Variants in CCDC85C observed in about 807,000 individuals in gnomAD.
CCDC85C encodes the protein coiled-coil domain-containing protein 85C.
CCDC85C carries 18 observed loss-of-function variants against 38.3 expected under a neutral mutation model. That is an observed-to-expected ratio of 0.47 (90% CI 0.33 to 0.70). The LOEUF is 0.70. Among genes scored for constraint, CCDC85C ranks in the 30% least tolerant of loss-of-function variants. The pLI is 0.03. For missense variants in CCDC85C, 566 were observed against 621.2 expected (o/e 0.91, Z 0.94); for synonymous variants, 264 against 293.8 (o/e 0.90, Z 1.04).
In CCDC85C at chr14:99,599,684, G is replaced by A. The variant is rs2055179266; in HGVS notation, c.793+3483C>T. ...GCAGGAGGACTGCTTGAACCCAGGT[G>A]TTCGAGACCAGCCTGGGCAACATAG... On this transcript the variant is annotated intron_variant, in intron 1 of 5. Transcript: ENST00000380243. Among the ~76,000 whole-genome samples the A allele has an allele frequency of 2.0e-5, 3 of 152,104 alleles. 1 individual carries two copies. Among genetic ancestry groups the A allele is most frequent in the Non-Finnish European group, 4.4e-5 (3 of 68,010 alleles).
Position 99,503,988 on chromosome 14 carries a change from A to G in CCDC85C, c.*11258T>C, listed in dbSNP as rs978910805. The G allele has an allele frequency of 3.3e-5, 12 of 363,814 alleles. No homozygotes were observed. Among genetic ancestry groups the G allele is most frequent in the Middle Eastern group, 8.2e-4 (1 of 1,224 alleles). 22.5% of individuals were successfully genotyped at this position (363,814 alleles called of 1,614,324 possible). On this transcript the variant is annotated 3_prime_UTR_variant, in exon 6 of 6. Transcript: ENST00000380243. ...CAGCAGCAGGAGTCCTCTCCCAAGC[A>G]CCAAGCCACAGCAGATGCGGGGGGG...
chr14:99,532,006 G>C (rs1179474197), intron 2 of CCDC85C, among the ~76,000 whole-genome samples: 1 of 152,184 alleles, frequency 6.6e-6, no homozygotes, highest in Admixed American at 6.5e-5. Context: ...GTGGAGACTG[G>C]ACAGGGATCA....
intron 1 of CCDC85C, among the ~76,000 whole-genome samples, chr14:99,600,955 G>A (rs929755094): frequency 2.0e-5 from 3 of 152,190 alleles, no homozygotes; most frequent in African/African-American, 7.2e-5. Context: ...AGCCTGGGAG[G>A]TTGAGGCTGT....
intron 2 of CCDC85C, among the ~76,000 whole-genome samples, chr14:99,527,062 C>T (rs1017635974): frequency 6.6e-6 from 1 of 152,194 alleles, no homozygotes; most frequent in Admixed American, 6.5e-5. Flanking sequence ...TGCAGCGTAG[C>T]ACAGAGGCCT....
chr14:99,577,039 C>T (rs1898492448), intron 1 of CCDC85C, among the ~76,000 whole-genome samples: 1 of 151,994 alleles, frequency 6.6e-6, no homozygotes, highest in Non-Finnish European at 1.5e-5. Flanking sequence ...TGGCTGGAGG[C>T]CTGGGGAGTC....
rs545460499 is a variant in CCDC85C at position 99,561,457 on chromosome 14, C to G, written c.794-25369G>C. 2.6e-5 allele frequency among the ~76,000 whole-genome samples: 4 copies of G among 152,308 alleles called. No homozygotes were observed. In the South Asian group the frequency reaches 8.3e-4, roughly 32 times the overall value. On this transcript the variant is annotated intron_variant, in intron 1 of 5. Transcript: ENST00000380243. Reference sequence around the variant, plus strand: ...CCAGCCATCCTCCACGGCAGCAGAGCGCTCTGCTGGTACTTGGTCTCCCTC... The same window carrying G: ...CCAGCCATCCTCCACGGCAGCAGAGGGCTCTGCTGGTACTTGGTCTCCCTC...
chr14:99,546,522 C>G (rs1273108439), intron 1 of CCDC85C, among the ~76,000 whole-genome samples: 1 of 152,098 alleles, frequency 6.6e-6, no homozygotes, highest in African/African-American at 2.4e-5. Context: ...GCGGTTCCAT[C>G]TGGCAGCAGC....
chr14:99,503,069 C>G lies in CCDC85C; in HGVS notation c.*12177G>C. 1.4e-6 allele frequency: 2 copies of G among 1,429,098 alleles called. No homozygotes were observed. The highest frequency in any genetic ancestry group is 2.0e-6 in the Non-Finnish European group (2 of 1,013,218). 88.5% of individuals were successfully genotyped at this position (1,429,098 alleles called of 1,614,324 possible). On this transcript the variant is annotated 3_prime_UTR_variant, in exon 6 of 6. Coordinates refer to ENST00000380243, the MANE Select transcript of CCDC85C (RefSeq NM_001144995.2). ...AGCACTGTTCCCATTTCTAAGCGAG[C>G]ACAGGGAACACCGGAAGCAGGGGGT...
Position 99,509,099 on chromosome 14 carries a change from G to A in CCDC85C, c.*6147C>T, listed in dbSNP as rs1003926109. On this transcript the variant is annotated 3_prime_UTR_variant, in exon 6 of 6. Coordinates refer to ENST00000380243, the MANE Select transcript of CCDC85C (RefSeq NM_001144995.2). ...TGCTCGCTTTGGCAAGATCAAACGG[G>A]TTGTGTGCCAATGGCCACGTCTACC... is the stretch of plus-strand genomic sequence containing the variant. The A allele has an allele frequency of 2.0e-5, 3 of 152,248 alleles. No homozygotes were observed. The highest frequency in any genetic ancestry group is 4.4e-5 in the Non-Finnish European group (3 of 68,048). 9.4% of individuals were successfully genotyped at this position (152,248 alleles called of 1,614,324 possible).
chr14:99,524,630 C>T (rs1033816739), intron 2 of CCDC85C, among the ~76,000 whole-genome samples: 3 of 152,196 alleles, frequency 2.0e-5, no homozygotes, highest in Non-Finnish European at 4.4e-5. Context: ...TGACTAATGG[C>T]GCATCAAATG....
Position 99,604,009 on chromosome 14 carries a change from TC to T in CCDC85C, c.-51del. 8.6e-7 allele frequency: 1 copy of T among 1,168,794 alleles called. No homozygotes were observed. Among genetic ancestry groups the T allele is most frequent in the Non-Finnish European group, 1.1e-6 (1 of 949,288 alleles). 72.4% of individuals were successfully genotyped at this position (1,168,794 alleles called of 1,614,324 possible). A position where few individuals can be genotyped will look rare whatever the true frequency, so the allele number is the denominator to read the frequency against. The stretch of plus-strand genomic sequence containing the variant: ...CCCTCGCCCTCGCCCGGCCGGCGCT[TC>T]CCCGCGCCGGGGCTCCGCTGGGCCG... On this transcript the variant is annotated 5_prime_UTR_variant, in exon 1 of 6. Coordinates refer to ENST00000380243, the MANE Select transcript of CCDC85C (RefSeq NM_001144995.2).
chr14:99,600,791 C>G (rs748692369), intron 1 of CCDC85C, among the ~76,000 whole-genome samples: 5 of 152,356 alleles, frequency 3.3e-5, no homozygotes, highest in Middle Eastern at 3.4e-3. Flanking sequence ...AGACACCACC[C>G]AGACAGAGAC....
rs760397544 is a variant in CCDC85C at position 99,501,433 on chromosome 14, G to T, written c.*13813C>A. 1.1e-5 allele frequency: 16 copies of T among 1,479,746 alleles called. No homozygotes were observed. In the Middle Eastern group the frequency reaches 2.5e-3, roughly 230 times the overall value. The allele number at this position is 1,479,746 out of a possible 1,614,324, so 91.7% of individuals were successfully genotyped here. On this transcript the variant is annotated 3_prime_UTR_variant, in exon 6 of 6. Coordinates refer to ENST00000380243, the MANE Select transcript of CCDC85C (RefSeq NM_001144995.2). ...TGACAGGTATACATGTTCAAATGTT[G>T]ATTAATTACAGTATTTTAAAATAGG...
At chr14:99,578,980 G>C (rs534272516) in intron 1 of CCDC85C, among the ~76,000 whole-genome samples, 26 of 152,304 alleles carry the variant, frequency 1.7e-4, no homozygotes, top group African/African-American at 6.3e-4. Context: ...GGAGGAGGGT[G>C]CTCTCTTACC....
chr14:99,529,326 G>T (rs1481978082), intron 2 of CCDC85C, among the ~76,000 whole-genome samples: 1 of 152,152 alleles, frequency 6.6e-6, no homozygotes, highest in Non-Finnish European at 1.5e-5. Flanking sequence ...GGTAAGTGAG[G>T]GACAGGCCTG....
At chr14:99,583,776 C>G (rs2054999111) in intron 1 of CCDC85C, among the ~76,000 whole-genome samples, 1 of 150,310 alleles carries the variant, frequency 6.7e-6, no homozygotes, top group South Asian at 2.1e-4. Context: ...TCACTGCGCT[C>G]CAGCCTGGGT....
chr14:99,502,200 G>A lies in CCDC85C; in HGVS notation c.*13046C>T, dbSNP rs375036317. On this transcript the variant is annotated 3_prime_UTR_variant, in exon 6 of 6. Transcript: ENST00000380243. ...TTATCTAACCTTTTTTTTTCTTGTT[G>A]AACTAGTCTCTGCACCACCTTGTCA... is the stretch of plus-strand genomic sequence containing the variant. The A allele has an allele frequency of 5.1e-6, 8 of 1,557,190 alleles. No individual in the cohort carries two copies. The African/African-American group carries it at 1.1e-4, about 22-fold the overall frequency.
chr14:99,559,719 T>C (rs921269412), intron 1 of CCDC85C, among the ~76,000 whole-genome samples: 12 of 152,184 alleles, frequency 7.9e-5, no homozygotes, highest in Middle Eastern at 3.2e-3. Context: ...GAAATTCTAG[T>C]TAACCCGCTT....
Position 99,603,545 on chromosome 14 carries a change from G to A in CCDC85C, c.415C>T (p.Arg139Cys). 7.2e-7 allele frequency: 1 copy of A among 1,384,492 alleles called. No individual in the cohort carries two copies. The highest frequency in any genetic ancestry group is 1.6e-5 in the South Asian group (1 of 62,474). The allele number at this position is 1,384,492 out of a possible 1,614,324, so 85.8% of individuals were successfully genotyped here. A position where few individuals can be genotyped will look rare whatever the true frequency, so the allele number is the denominator to read the frequency against. Residue 139 changes from arginine to cysteine, a missense_variant, in exon 1 of 6, where the codon CGC becomes TGC. Transcript: ENST00000380243. This position sits in a 1 kb window ranked among gnomAD's most constrained non-coding sequence, Gnocchi z 7.5. ...AGCTCCTTGAGCTCCAGGTTCTCGCGCAGCAGGGCCTCCTGGCGCGCCTCG... is the reference window on the plus strand; with the variant it reads ...AGCTCCTTGAGCTCCAGGTTCTCGCACAGCAGGGCCTCCTGGCGCGCCTCG... ...ELEARQEALL[R>C]ENLELKELVL...
Sources: allele counts gnomAD v4.1 joint callset (sites outside exome capture counted in the v4.1 genomes callset), GRCh38; gene constraint gnomAD v4.1.1; non-coding constraint Gnocchi (gnomAD v3.1); transcripts MANE v1.5; gene names NCBI Gene and HGNC (gene_info 2026-07-23, HGNC 2026-07-21).